FNIP1: variants seen among roughly 807,000 people sequenced by gnomAD.
FNIP1 encodes folliculin-interacting protein 1.
Under a neutral mutation model 124.5 loss-of-function variants are expected in FNIP1, and 40 were observed. That is an observed-to-expected ratio of 0.32 (90% confidence interval 0.25 to 0.42). The LOEUF (loss-of-function observed/expected upper bound fraction) is 0.42, where lower values mean the gene tolerates loss of function less well. Among genes scored for constraint, FNIP1 ranks in the 10% least tolerant of loss-of-function variants. FNIP1 has a pLI of 1.00. For missense variants in FNIP1, 1,176 were observed against 1,403.7 expected, an observed-to-expected ratio of 0.84 and a Z score of 2.59; for synonymous variants, 472 against 470.6, an observed-to-expected ratio of 1.00 and a Z score of -0.04.
At chr5:131,794,568 T>A (rs1459061271) in intron 1 of FNIP1, among the ~76,000 whole-genome samples, 2 of 152,162 alleles carry the variant, frequency 1.3e-5, no homozygotes, top group African/African-American at 4.8e-5. Flanking sequence ...GGAAAAAATA[T>A]GTCCTCCAAC....
intron 1 of FNIP1, among the ~76,000 whole-genome samples, chr5:131,745,927 A>AAAG (rs1364563692): frequency 2.6e-5 from 4 of 152,250 alleles, no homozygotes; most frequent in African/African-American, 9.6e-5. Flanking sequence ...TCTAGGAGTA[A>AAAG]GGTGGAGGGA....
At chr5:131,662,621 T>C (rs1767473743) in intron 15 of FNIP1, among the ~76,000 whole-genome samples, 1 of 152,158 alleles carries the variant, frequency 6.6e-6, no homozygotes, top group South Asian at 2.1e-4. Context: ...CCTTTTTGGT[T>C]TAATACTTGT....
chr5:131,692,878 C>T (rs768910888), intron 11 of FNIP1, among the ~76,000 whole-genome samples: 2 of 151,792 alleles, frequency 1.3e-5, no homozygotes, highest in Admixed American at 6.6e-5. Context: ...TGTGGAGGCA[C>T]ACACCTGTAG....
chr5:131,781,622 T>C (rs969832285), intron 1 of FNIP1, among the ~76,000 whole-genome samples: 2 of 152,192 alleles, frequency 1.3e-5, no homozygotes, highest in Non-Finnish European at 2.9e-5. Flanking sequence ...ATGGTTTAAC[T>C]GAGTATTTTA....
At chr5:131,784,866 A>G (rs1772111096) in intron 1 of FNIP1, among the ~76,000 whole-genome samples, 1 of 149,670 alleles carries the variant, frequency 6.7e-6, no homozygotes, top group Non-Finnish European at 1.5e-5. Context: ...AAATATTCAA[A>G]AAAAAAAACA....
At chr5:131,691,562 G>T (rs1768481894) in intron 11 of FNIP1, among the ~76,000 whole-genome samples, 1 of 152,042 alleles carries the variant, frequency 6.6e-6, no homozygotes, top group African/African-American at 2.4e-5. Flanking sequence ...GAAAAGATCA[G>T]TAAAATTGTT....
chr5:131,647,422 T>C (rs1373489156), intron 16 of FNIP1, among the ~76,000 whole-genome samples: 1 of 151,878 alleles, frequency 6.6e-6, no homozygotes, highest in African/African-American at 2.4e-5. Flanking sequence ...GCGTCTTTTT[T>C]TTTTTTTAAC....
At chr5:131,729,156 A>G (rs944237870) in intron 3 of FNIP1, among the ~76,000 whole-genome samples, 5 of 152,162 alleles carry the variant, frequency 3.3e-5, no homozygotes, top group African/African-American at 1.2e-4. Context: ...GAGGAGTCAT[A>G]GGGGTCAGGG....
At chr5:131,726,144 C>T (rs927412286) in intron 3 of FNIP1, among the ~76,000 whole-genome samples, 4 of 152,040 alleles carry the variant, frequency 2.6e-5, no homozygotes, top group Non-Finnish European at 4.4e-5. Flanking sequence ...GGGATACTGG[C>T]CTGAAATTTT....
chr5:131,717,294 A>G (rs251011), intron 5 of FNIP1, among the ~76,000 whole-genome samples: 98,051 of 151,902 alleles, frequency 0.65, 33,355 homozygotes, highest in Non-Finnish European at 0.77. Context: ...AGCTTCATCC[A>G]TGTCCCTACA....
intron 8 of FNIP1, among the ~76,000 whole-genome samples, chr5:131,708,464 A>ATGCTT (rs1419296605): frequency 7.2e-5 from 11 of 152,156 alleles, no homozygotes; most frequent in African/African-American, 2.7e-4. Context: ...TTTAGCTAAA[A>ATGCTT]TGCTTTTCTG....
intron 10 of FNIP1, 123 bp from the exon 11 acceptor site, chr5:131,699,125 GAAAT>G (rs1188170003): frequency 1.0e-5 from 6 of 594,274 alleles, no homozygotes; most frequent in African/African-American, 3.9e-5. Context: ...TATCGAGAAA[GAAAT>G]AAAGAAAGTA....
At chr5:131,683,280 C>T (rs951048696) in intron 11 of FNIP1, among the ~76,000 whole-genome samples, 1 of 151,964 alleles carries the variant, frequency 6.6e-6, no homozygotes, top group Non-Finnish European at 1.5e-5. Context: ...TGCACATCCT[C>T]CTGTATACTT....
At chr5:131,691,056 A>T (rs1223613026) in intron 11 of FNIP1, among the ~76,000 whole-genome samples, 2 of 152,188 alleles carry the variant, frequency 1.3e-5, no homozygotes, top group Non-Finnish European at 2.9e-5. Context: ...GAGAATACAC[A>T]ATCTTCCCAT....
chr5:131,752,272 T>C (rs1770898821), intron 1 of FNIP1, among the ~76,000 whole-genome samples: 1 of 152,160 alleles, frequency 6.6e-6, no homozygotes, highest in African/African-American at 2.4e-5. Flanking sequence ...CTTCATCTCC[T>C]GACCTCATGA....
chr5:131,686,814 C>T (rs1304609031), intron 11 of FNIP1, among the ~76,000 whole-genome samples: 16 of 151,540 alleles, frequency 1.1e-4, no homozygotes, highest in East Asian at 1.9e-4. Context: ...ATCCTCTCAC[C>T]GTGGCCTCCC....
intron 1 of FNIP1, among the ~76,000 whole-genome samples, chr5:131,782,535 A>T (rs1772029327): frequency 3.3e-5 from 5 of 152,076 alleles, no homozygotes; most frequent in Admixed American, 1.3e-4. Context: ...ACTGCACTTC[A>T]ACTTGAACAA....
intron 11 of FNIP1, among the ~76,000 whole-genome samples, chr5:131,688,058 G>T (rs1233929155): frequency 6.6e-6 from 1 of 151,850 alleles, no homozygotes; most frequent in Non-Finnish European, 1.5e-5. Context: ...GAGAGGGGAT[G>T]GCTAAGAAAT....
chr5:131,648,852 T>C (rs1213831427), intron 16 of FNIP1, among the ~76,000 whole-genome samples: 2 of 152,198 alleles, frequency 1.3e-5, no homozygotes. Flanking sequence ...CTATTTTAGA[T>C]TCAGTCTCTA....
Sources: allele counts gnomAD v4.1 joint callset (sites outside exome capture counted in the v4.1 genomes callset), GRCh38; gene constraint gnomAD v4.1.1; transcripts MANE v1.5; gene names NCBI Gene and HGNC (gene_info 2026-07-23, HGNC 2026-07-21).